ZFHX3: variants seen among roughly 807,000 people sequenced by gnomAD.
The protein encoded by ZFHX3 is zinc finger homeobox 3.
Under a neutral mutation model 279.1 loss-of-function variants are expected in ZFHX3, and 42 were observed. The ratio of observed to expected loss-of-function variants is 0.15; its 90% CI spans 0.12 to 0.19. ZFHX3 has a LOEUF of 0.19. ZFHX3 is among the 10% of genes least tolerant of loss of function. The probability of loss-of-function intolerance (pLI) is 1.00; values close to 1 mark genes in which losing one functional copy is unlikely to be tolerated. For missense variants in ZFHX3, 4,981 were observed against 4,754.0 expected, an observed-to-expected ratio of 1.05 and a Z score of -1.40; for synonymous variants, 2,293 against 1,957.8, an observed-to-expected ratio of 1.17 and a Z score of -4.52.
chr16:73,661,711 G>C (rs1035020150), intron 2 of ZFHX3, among the ~76,000 whole-genome samples: 2 of 114,912 alleles, frequency 1.7e-5, no homozygotes, highest in Non-Finnish European at 3.4e-5. Context: ...AACAAAGCAA[G>C]ACTCCATCTC....
At chr16:72,812,196 G>A (rs1022188527) in intron 5 of ZFHX3, among the ~76,000 whole-genome samples, 158 bp from the exon 6 acceptor site, 3 of 152,202 alleles carry the variant, frequency 2.0e-5, no homozygotes, top group African/African-American at 7.2e-5. Flanking sequence ...TATCAAGCAT[G>A]TTGGAAAAGA....
intron 1 of ZFHX3, among the ~76,000 whole-genome samples, chr16:73,760,690 A>T (rs2053854773): frequency 6.6e-6 from 1 of 152,204 alleles, no homozygotes; most frequent in South Asian, 2.1e-4. Context: ...CAATAAATGT[A>T]ATTCATTACA....
intron 3 of ZFHX3, among the ~76,000 whole-genome samples, chr16:73,322,393 G>C (rs1393491742): frequency 6.6e-6 from 1 of 152,148 alleles, no homozygotes; most frequent in African/African-American, 2.4e-5. Flanking sequence ...AGGTTATGCA[G>C]GATGTCTTGA....
chr16:72,847,774 G>A (rs1292354201), intron 4 of ZFHX3, among the ~76,000 whole-genome samples: 7 of 151,996 alleles, frequency 4.6e-5, no homozygotes, highest in Non-Finnish European at 8.8e-5. Flanking sequence ...AGCGATGGGC[G>A]AAGACATAAA....
intron 1 of ZFHX3, among the ~76,000 whole-genome samples, chr16:73,771,341 G>A (rs949282113): frequency 2.6e-5 from 4 of 152,120 alleles, no homozygotes; most frequent in Non-Finnish European, 5.9e-5. Context: ...CCCAACAGCT[G>A]GCACCCTGGT....
chr16:73,454,844 C>T (rs1464366863), intron 3 of ZFHX3, among the ~76,000 whole-genome samples: 1 of 151,482 alleles, frequency 6.6e-6, no homozygotes, highest in Non-Finnish European at 1.5e-5. Flanking sequence ...ATATTCAAGA[C>T]TTTTCCATCA....
chr16:73,099,732 G>C (rs1429385145), intron 7 of ZFHX3, among the ~76,000 whole-genome samples: 2 of 145,600 alleles, frequency 1.4e-5, no homozygotes, highest in African/African-American at 5.1e-5. Context: ...AAAAAAAAGA[G>C]AGAGAGAAAT....
At position 72,787,712 on chromosome 16, in the gene ZFHX3, C is replaced by T. The variant is rs762505281; in HGVS notation, c.10564G>A (p.Gly3522Ser). The change falls in exon 10 of 10, where the codon GGC becomes AGC. Residue 3522 changes from glycine (G) to serine (S), a missense_variant. Physicochemically the swap from Gly to Ser is moderately conservative, Grantham distance 56. This residue lies in a region of ZFHX3 where 1,034 missense variants were observed against 786.0 expected (regional missense o/e 1.32). Transcript: ENST00000268489. ...TGGTACGAGCCGCCGCCGCCGCCGC[C>T]GCCGCCACCGCCGCCGCCGCCGCCA... ...GSGGGGGGGGGGGGGGSYHCL... is the reference protein window; with the variant it reads ...GSGGGGGGGGSGGGGGSYHCL... 2.2e-4 allele frequency: 303 copies of T among 1,383,576 alleles called. 3 individuals are homozygous for T. Among genetic ancestry groups the T allele is most frequent in the Admixed American group, 1.8e-4 (7 of 39,884 alleles). The allele number at this position is 1,383,576 out of a possible 1,614,324, so 85.7% of individuals were successfully genotyped here.
At chr16:73,403,708 G>A (rs1315229875) in intron 3 of ZFHX3, among the ~76,000 whole-genome samples, 1 of 152,216 alleles carries the variant, frequency 6.6e-6, no homozygotes, top group Non-Finnish European at 1.5e-5. Flanking sequence ...GCTGGCCGGT[G>A]GCGAACACAT....
intron 1 of ZFHX3, chr16:72,973,244 T>A (rs1712559294): frequency 6.6e-6 from 1 of 152,266 alleles, no homozygotes. Flanking sequence ...TGGTGCCATC[T>A]TTGCAGAAAA....
upstream of ZFHX3, among the ~76,000 whole-genome samples, chr16:73,052,935 G>C (rs867766447): frequency 6.6e-6 from 1 of 152,274 alleles, no homozygotes; most frequent in South Asian, 2.1e-4. Flanking sequence ...CCACGGAAGG[G>C]GGGAGAGGTG....
chr16:73,445,131 T>C (rs767948145), intron 3 of ZFHX3, among the ~76,000 whole-genome samples: 5 of 151,992 alleles, frequency 3.3e-5, no homozygotes, highest in Non-Finnish European at 7.4e-5. Context: ...CGAGACTGTC[T>C]GAAAAATTTT....
chr16:73,475,739 A>T (rs1445956670), intron 2 of ZFHX3, among the ~76,000 whole-genome samples: 4 of 152,150 alleles, frequency 2.6e-5, no homozygotes, highest in Admixed American at 2.6e-4. Flanking sequence ...ATTCAGAGCA[A>T]ACTCTGCTAG....
intron 1 of ZFHX3, among the ~76,000 whole-genome samples, chr16:73,008,203 T>G (rs1963784652): frequency 6.6e-6 from 1 of 152,248 alleles, no homozygotes; most frequent in African/African-American, 2.4e-5. Context: ...AATAATGTTT[T>G]AAAGCTACAA....
At chr16:73,763,339 G>C (rs531185745) in intron 1 of ZFHX3, among the ~76,000 whole-genome samples, 2 of 152,312 alleles carry the variant, frequency 1.3e-5, no homozygotes, top group Admixed American at 6.5e-5. Flanking sequence ...TAATGGGCTT[G>C]AGTGAGGTGT....
chr16:73,871,997 G>A (rs1200486788), intron 1 of ZFHX3, among the ~76,000 whole-genome samples: 3 of 152,170 alleles, frequency 2.0e-5, no homozygotes, highest in African/African-American at 4.8e-5. Flanking sequence ...AGGTCACCGA[G>A]TATTTTTTAT....
intron 1 of ZFHX3, among the ~76,000 whole-genome samples, chr16:73,830,695 G>C (rs1000663409): frequency 2.0e-5 from 3 of 152,084 alleles, no homozygotes; most frequent in African/African-American, 7.2e-5. Flanking sequence ...AATTGCACTT[G>C]GATCAAAAAT....
In ZFHX3 at chr16:73,539,433, CTTTTT is replaced by C. The variant is rs1162434013; in HGVS notation, c.-1546-83180_-1546-83176del. 7.7e-3 allele frequency among the ~76,000 whole-genome samples: 501 copies of C among 65,004 alleles called. 1 individual carries two copies. The highest frequency in any genetic ancestry group is 0.026 in the African/African-American group (454 of 17,380). 42.6% of individuals were successfully genotyped at this position (65,004 alleles called of 152,430 possible). A position where few individuals can be genotyped will look rare whatever the true frequency, so the allele number is the denominator to read the frequency against. On this transcript the variant is annotated intron_variant, in intron 2 of 17. Coordinates refer to the ZFHX3 transcript ENST00000641206. ...TAAATTTTTTTCCCTTCCTCTTCTT[CTTTTT>C]TTTTTTTTTTTTTTTTTTTTTTTTA...
chr16:73,860,384 C>A (rs1279368927), intron 1 of ZFHX3, among the ~76,000 whole-genome samples: 2 of 149,336 alleles, frequency 1.3e-5, no homozygotes, highest in Admixed American at 1.3e-4. Flanking sequence ...TTTTCATTCC[C>A]TTACTTTTTT....
Sources: gnomAD v4.1 joint callset for allele counts (sites outside exome capture counted in the v4.1 genomes callset) on GRCh38, gnomAD v4.1.1 for gene constraint, gnomAD v4.1.1 regional missense constraint, MANE v1.5 for transcripts, NCBI Gene and HGNC (gene_info 2026-07-23, HGNC 2026-07-21) for gene names.